TRIO: variants seen among roughly 807,000 people sequenced by gnomAD.
TRIO encodes the protein trio Rho guanine nucleotide exchange factor, also known as triple functional domain protein.
TRIO carries 58 observed loss-of-function variants against 351.9 expected under a neutral mutation model. The observed-to-expected ratio is 0.16, with a 90% CI of 0.13 to 0.21. The LOEUF (loss-of-function observed/expected upper bound fraction) is 0.21. Ranked by LOEUF, TRIO falls within the 10% of genes least tolerant of loss-of-function variation. The probability of loss-of-function intolerance (pLI) is 1.00; values close to 1 mark genes in which losing one functional copy is unlikely to be tolerated. For missense variants in TRIO, 3,201 were observed against 4,027.8 expected (o/e 0.79, Z 5.56); for synonymous variants, 1,758 against 1,595.7 (o/e 1.10, Z -2.42).
At chr5:14,404,309 C>T (rs1382586191) in intron 31 of TRIO, among the ~76,000 whole-genome samples, 1 of 152,038 alleles carries the variant, frequency 6.6e-6, no homozygotes, top group South Asian at 2.1e-4. Flanking sequence ...AATGAACTAT[C>T]CCCTCTCTTA....
intron 35 of TRIO, among the ~76,000 whole-genome samples, chr5:14,462,068 G>A (rs781451358): frequency 2.4e-4 from 36 of 152,278 alleles, no homozygotes; most frequent in Non-Finnish European, 2.9e-4. Context: ...ATCGACCCCC[G>A]ACTCAAGTCT....
intron 1 of TRIO, among the ~76,000 whole-genome samples, chr5:14,202,293 GATTTTTTTTTTTTTTTTTTTTTT>G (rs1561196216): frequency 5.8e-5 from 2 of 34,350 alleles, no homozygotes; most frequent in African/African-American, 2.0e-4. Context: ...ATATTTTTGT[GATTTTTTTTTTTTTTTTTTTTTT>G]TTTTTTTTTT....
At chr5:14,406,965 ATTCCT>A (rs1297248169) in intron 33 of TRIO, among the ~76,000 whole-genome samples, 13 of 152,260 alleles carry the variant, frequency 8.5e-5, no homozygotes, top group Non-Finnish European at 1.6e-4. Flanking sequence ...TTTTAATCTT[ATTCCT>A]AAGCAGAAGA....
At chr5:14,262,748 A>G (rs546849991) in intron 1 of TRIO, among the ~76,000 whole-genome samples, 6 of 152,132 alleles carry the variant, frequency 3.9e-5, no homozygotes, top group African/African-American at 1.4e-4. Flanking sequence ...TGGTTTGGCC[A>G]CGAGGTCGAT....
At chr5:14,160,293 C>T (rs760010553) in intron 1 of TRIO, among the ~76,000 whole-genome samples, 1 of 152,146 alleles carries the variant, frequency 6.6e-6, no homozygotes, top group Non-Finnish European at 1.5e-5. Flanking sequence ...TGCCTCCCGC[C>T]GGGGGGTGAC....
At chr5:14,247,590 A>G (rs1209648303) in intron 1 of TRIO, among the ~76,000 whole-genome samples, 1 of 152,226 alleles carries the variant, frequency 6.6e-6, no homozygotes, top group Non-Finnish European at 1.5e-5. Context: ...GGACACATAC[A>G]TATTTGATTG....
chr5:14,381,008 G>C lies in TRIO; in HGVS notation c.3448-122G>C, dbSNP rs1043440164. On this transcript the variant is annotated intron_variant, in intron 20 of 56. Coordinates refer to ENST00000344204, the MANE Select transcript of TRIO (RefSeq NM_007118.4). ...TTAAGAAACTTGCCTCTCTGGGAGG[G>C]AATGCTTCTCGATGCTGCCAGCCTT... is the stretch of plus-strand genomic sequence containing the variant. The C allele has an allele frequency of 3.8e-6, 5 of 1,314,962 alleles. No homozygotes were observed. The South Asian group carries it at 9.3e-5, about 24-fold the overall frequency. 81.5% of individuals were successfully genotyped at this position (1,314,962 alleles called of 1,614,324 possible).
intron 11 of TRIO, among the ~76,000 whole-genome samples, chr5:14,357,402 C>T (rs372947431): frequency 1.3e-5 from 2 of 152,358 alleles, no homozygotes; most frequent in Non-Finnish European, 2.9e-5. Flanking sequence ...AATAGTACCC[C>T]AGAGATCTGC....
intron 34 of TRIO, chr5:14,440,695 A>G (rs1451773015): frequency 2.6e-5 from 4 of 152,156 alleles, no homozygotes. Flanking sequence ...AGGCCGCATT[A>G]CATTTCTTTT....
At chr5:14,416,851 C>T (rs898165845) in intron 33 of TRIO, among the ~76,000 whole-genome samples, 30 of 152,202 alleles carry the variant, frequency 2.0e-4, no homozygotes, top group African/African-American at 6.8e-4. Context: ...GTGCACTTCC[C>T]AGCGTCTGGG....
At chr5:14,453,151 GGA>G (rs1347299748) in intron 34 of TRIO, among the ~76,000 whole-genome samples, 4 of 151,882 alleles carry the variant, frequency 2.6e-5, no homozygotes, top group African/African-American at 7.3e-5. Context: ...ATCTATGTAA[GGA>G]TTTTTCCCTC....
chr5:14,488,310 G>A (rs866410506), intron 48 of TRIO, 50 bp downstream of exon 48: 2 of 1,425,070 alleles, frequency 1.4e-6, no homozygotes, highest in Non-Finnish European at 1.9e-6. Flanking sequence ...CCTCTGTCCC[G>A]CCAGCTCTAA....
intron 9 of TRIO, among the ~76,000 whole-genome samples, chr5:14,317,593 G>A (rs1739481959): frequency 6.6e-6 from 1 of 152,182 alleles, no homozygotes; most frequent in Admixed American, 6.5e-5. Flanking sequence ...AATGGGCTGG[G>A]AATTTGGAGA....
At chr5:14,234,435 G>A (rs1420716394) in intron 1 of TRIO, among the ~76,000 whole-genome samples, 1 of 152,146 alleles carries the variant, frequency 6.6e-6, no homozygotes, top group Non-Finnish European at 1.5e-5. Context: ...TGAGAGATGG[G>A]CTAATAATGC....
rs1287687255 is a variant in TRIO, at chr5:14,170,779, A to G, written c.157+26897A>G. Reference sequence around the variant, plus strand: ...CTTCGCTTCCCAAAGTGCTGGGATTACAGGAGTGAACCTCTGTGCCTGGCT... The same window carrying G: ...CTTCGCTTCCCAAAGTGCTGGGATTGCAGGAGTGAACCTCTGTGCCTGGCT... On this transcript the variant is annotated intron_variant, in intron 1 of 56. Transcript: ENST00000344204. 2.0e-5 allele frequency among the ~76,000 whole-genome samples: 3 copies of G among 152,296 alleles called. No individual in the cohort carries two copies. In the East Asian group the frequency reaches 5.8e-4, roughly 29 times the overall value.
chr5:14,285,101 G>A (rs1033449692), intron 3 of TRIO, among the ~76,000 whole-genome samples: 1 of 152,120 alleles, frequency 6.6e-6, no homozygotes, highest in Admixed American at 6.5e-5. Flanking sequence ...TCATGAAGGA[G>A]GTCAGAAAAC....
At chr5:14,262,405 G>A (rs534933769) in intron 1 of TRIO, among the ~76,000 whole-genome samples, 1 of 152,260 alleles carries the variant, frequency 6.6e-6, no homozygotes, top group East Asian at 1.9e-4. Context: ...TTCCTGGAGT[G>A]AGCCTGGGGA....
intron 11 of TRIO, among the ~76,000 whole-genome samples, chr5:14,350,208 T>A (rs1394351631): frequency 1.3e-5 from 2 of 152,118 alleles, no homozygotes; most frequent in Admixed American, 6.5e-5. Context: ...TGTGAGAACA[T>A]GGGCACGATC....
At chr5:14,375,128 A>G (rs1745443700) in intron 19 of TRIO, among the ~76,000 whole-genome samples, 1 of 152,246 alleles carries the variant, frequency 6.6e-6, no homozygotes, top group South Asian at 2.1e-4. Context: ...TTGTCACAAA[A>G]TAATTTTGTT....
Sources: gnomAD v4.1 joint callset for allele counts (sites outside exome capture counted in the v4.1 genomes callset) on GRCh38, gnomAD v4.1.1 for gene constraint, MANE v1.5 for transcripts, NCBI Gene and HGNC (gene_info 2026-07-23, HGNC 2026-07-21) for gene names.